CDYL2: variants seen among roughly 807,000 people sequenced by gnomAD.
CDYL2 encodes chromodomain Y like 2, also known as chromodomain Y-like protein 2.
A neutral mutation model predicts 49.4 loss-of-function variants in CDYL2; 23 were observed. That is an observed-to-expected ratio of 0.47 (90% CI 0.34 to 0.66). The LOEUF (loss-of-function observed/expected upper bound fraction) is 0.66, where lower values mean the gene tolerates loss of function less well. Ranked by LOEUF, CDYL2 falls within the 30% of genes least tolerant of loss-of-function variation. The pLI, the probability that CDYL2 is intolerant of heterozygous loss-of-function variation, is 0.01. For missense variants in CDYL2, 678 were observed against 656.4 expected, an observed-to-expected ratio of 1.03 and a Z score of -0.36; for synonymous variants, 360 against 268.8, an observed-to-expected ratio of 1.34 and a Z score of -3.32.
At chr16:80,766,477 G>A (rs575427690) in intron 1 of CDYL2, among the ~76,000 whole-genome samples, 34 of 152,196 alleles carry the variant, frequency 2.2e-4, no homozygotes, top group South Asian at 1.5e-3. Context: ...GGCATTCTCC[G>A]GGGTTGGTTG....
chr16:80,621,994 C>T (rs535320900), intron 3 of CDYL2, among the ~76,000 whole-genome samples: 2 of 152,302 alleles, frequency 1.3e-5, no homozygotes, highest in African/African-American at 4.8e-5. Context: ...GGTCACTATT[C>T]TTACTTCCAG....
chr16:80,701,450 A>G (rs1397176708), intron 1 of CDYL2, among the ~76,000 whole-genome samples: 1 of 152,226 alleles, frequency 6.6e-6, no homozygotes, highest in African/African-American at 2.4e-5. Context: ...ATTCCATTTA[A>G]AAATCAATAA....
At chr16:80,682,909 G>A (rs1263152644) in intron 2 of CDYL2, among the ~76,000 whole-genome samples, 1 of 152,324 alleles carries the variant, frequency 6.6e-6, no homozygotes, top group East Asian at 1.9e-4. Flanking sequence ...TCCCGAGACG[G>A]AAACGTGAGT....
intron 2 of CDYL2, among the ~76,000 whole-genome samples, chr16:80,682,519 C>G (rs118037516): frequency 1.4e-4 from 22 of 152,360 alleles, no homozygotes; most frequent in African/African-American, 4.3e-4. Flanking sequence ...ACAAGAGGCA[C>G]ACCCTCATGT....
chr16:80,615,895 T>G (rs1458420756), intron 4 of CDYL2, among the ~76,000 whole-genome samples: 1 of 152,176 alleles, frequency 6.6e-6, no homozygotes, highest in African/African-American at 2.4e-5. Flanking sequence ...AGTAGATCTC[T>G]ATCACTGGGA....
At chr16:80,781,357 G>C (rs1254551010) in intron 1 of CDYL2, among the ~76,000 whole-genome samples, 1 of 152,088 alleles carries the variant, frequency 6.6e-6, no homozygotes, top group Non-Finnish European at 1.5e-5. Flanking sequence ...AAACATATGT[G>C]CATCTAACAA....
In CDYL2 at chr16:80,633,002, T is replaced by C. The variant is rs754646362; in HGVS notation, c.834+17A>G. Reference sequence around the variant, plus strand: ...CCACAGCCCAGCTTGCCCTTCCCTCTGGCCGCCACCCCTTACCTCAGGTGT... The same window carrying C: ...CCACAGCCCAGCTTGCCCTTCCCTCCGGCCGCCACCCCTTACCTCAGGTGT... On this transcript the variant is annotated intron_variant, in intron 3 of 6. Coordinates refer to ENST00000570137, the MANE Select transcript of CDYL2 (RefSeq NM_152342.4). 1 of 1,609,932 alleles carries C rather than the reference T, an allele frequency of 6.2e-7. No homozygotes were observed. Among genetic ancestry groups the C allele is most frequent in the Admixed American group, 1.7e-5 (1 of 59,976 alleles).
chr16:80,656,035 C>T lies in CDYL2; in HGVS notation c.617-22799G>A, dbSNP rs538993213. The stretch of plus-strand genomic sequence containing the variant: ...TAATGGGAGAAGCAAGGAAGCCACA[C>T]GAGCTCTTGAGCATTGGTCTCCTTG... On this transcript the variant is annotated intron_variant, in intron 2 of 6. Transcript: ENST00000570137. 3.9e-5 allele frequency among the ~76,000 whole-genome samples: 6 copies of T among 152,298 alleles called. No homozygotes were observed. In the East Asian group the frequency reaches 9.6e-4, roughly 24 times the overall value.
intron 2 of CDYL2, among the ~76,000 whole-genome samples, chr16:80,635,593 G>C (rs1451054429): frequency 2.6e-5 from 4 of 152,192 alleles, no homozygotes; most frequent in Non-Finnish European, 5.9e-5. Context: ...AACATTCCAT[G>C]CTCATGGAAA....
At chr16:80,640,708 G>C (rs1456325861) in intron 2 of CDYL2, among the ~76,000 whole-genome samples, 1 of 152,104 alleles carries the variant, frequency 6.6e-6, no homozygotes, top group Non-Finnish European at 1.5e-5. Flanking sequence ...ATAACACAGA[G>C]AAGGAATTCA....
intron 1 of CDYL2, among the ~76,000 whole-genome samples, chr16:80,783,713 T>C (rs1390200947): frequency 1.3e-5 from 2 of 152,238 alleles, no homozygotes; most frequent in Admixed American, 6.5e-5. Flanking sequence ...GCTACATATA[T>C]GTAATGCATG....
At chr16:80,681,849 G>C (rs889100486) in intron 2 of CDYL2, among the ~76,000 whole-genome samples, 4 of 152,196 alleles carry the variant, frequency 2.6e-5, no homozygotes, top group Admixed American at 6.5e-5. Flanking sequence ...AGAGGGAAAA[G>C]TCCATACCTA....
chr16:80,752,990 T>C (rs1056490057), intron 1 of CDYL2, among the ~76,000 whole-genome samples: 3 of 152,186 alleles, frequency 2.0e-5, no homozygotes, highest in Non-Finnish European at 4.4e-5. Context: ...TAAATGAACA[T>C]TTGTTGTGCT....
chr16:80,626,275 T>TA (rs11358031), intron 3 of CDYL2, among the ~76,000 whole-genome samples: 21,133 of 92,054 alleles, frequency 0.23, 2,526 homozygotes, highest in African/African-American at 0.38. Context: ...AAATCCCATC[T>TA]AAAAAAAAAA....
chr16:80,702,905 C>T (rs1904310410), intron 1 of CDYL2, among the ~76,000 whole-genome samples: 1 of 152,162 alleles, frequency 6.6e-6, no homozygotes, highest in African/African-American at 2.4e-5. Flanking sequence ...CAGATGAAAT[C>T]AACAGAGCTC....
At chr16:80,659,992 T>C (rs1476963392) in intron 2 of CDYL2, among the ~76,000 whole-genome samples, 1 of 151,908 alleles carries the variant, frequency 6.6e-6, no homozygotes, top group Non-Finnish European at 1.5e-5. Flanking sequence ...CAAAAAGGAA[T>C]GGCAGACTGA....
chr16:80,720,789 G>A (rs1309611094), intron 1 of CDYL2, among the ~76,000 whole-genome samples: 1 of 152,178 alleles, frequency 6.6e-6, no homozygotes, highest in Non-Finnish European at 1.5e-5. Context: ...AGGCTGGCCT[G>A]GGAATCCTGC....
intron 1 of CDYL2, among the ~76,000 whole-genome samples, chr16:80,723,792 C>A (rs1205852713): frequency 2.0e-5 from 3 of 152,070 alleles, no homozygotes; most frequent in African/African-American, 7.2e-5. Context: ...AATATTTACT[C>A]TCTGGCATTG....
rs1283632784 is a variant in CDYL2 at position 80,599,443 on chromosome 16, A to T, written c.*4945T>A. Reference sequence around the variant, plus strand: ...ACACTGTCAAGGAGCTCCATGATTTATGTTCTAGAAAAACAGTCCTGGATA... The same window carrying T: ...ACACTGTCAAGGAGCTCCATGATTTTTGTTCTAGAAAAACAGTCCTGGATA... On this transcript the variant is annotated 3_prime_UTR_variant, in exon 7 of 7. Transcript: ENST00000570137. The T allele has an allele frequency of 6.6e-6, 1 of 152,218 alleles. No homozygotes were observed. The highest frequency in any genetic ancestry group is 1.5e-5 in the Non-Finnish European group (1 of 68,032). The allele number at this position is 152,218 out of a possible 1,614,324, so 9.4% of individuals were successfully genotyped here.
Sources: gnomAD v4.1 joint callset for allele counts (sites outside exome capture counted in the v4.1 genomes callset) on GRCh38, gnomAD v4.1.1 for gene constraint, MANE v1.5 for transcripts, NCBI Gene and HGNC (gene_info 2026-07-23, HGNC 2026-07-21) for gene names.